Variants in NOC2L observed in about 807,000 individuals in gnomAD.
NOC2L encodes the protein NOC2 like nucleolar associated transcriptional repressor.
Under a neutral mutation model 94.2 loss-of-function variants are expected in NOC2L, and 101 were observed. The observed-to-expected ratio is 1.07, with a 90% confidence interval of 0.91 to 1.26. The LOEUF is 1.26. Ranked by LOEUF, NOC2L falls within the 50% of genes most tolerant of loss-of-function variation. The pLI is 0.00. For synonymous variants in NOC2L, 531 were observed against 413.4 expected (o/e 1.28, Z -3.45); for missense variants, 1,076 against 980.1 (o/e 1.10, Z -1.31).
chr1:945,409 G>A (rs917086388), intron 17 of NOC2L, 109 bp downstream of exon 17: 2 of 1,364,144 alleles, frequency 1.5e-6, no homozygotes, highest in East Asian at 4.7e-5. Context: ...CTGGGCCAGA[G>A]ACTGGTGAGC....
Position 944,541 on chromosome 1 carries a change from G to GTCTT in NOC2L, c.*149_*152dup, listed in dbSNP as rs1318133859. On this transcript the variant is annotated 3_prime_UTR_variant, in exon 19 of 19. Transcript: ENST00000327044. ...CCCAGCCCAGCTCTCGATACGTTTG[G>GTCTT]TCTTTCATGCTGAAAAATAAATAAT... The GTCTT allele has an allele frequency of 1.4e-5, 9 of 626,116 alleles. No individual in the cohort carries two copies. The highest frequency in any genetic ancestry group is 1.1e-4 in the African/African-American group (6 of 53,568). 38.8% of individuals were successfully genotyped at this position (626,116 alleles called of 1,614,324 possible).
rs781360842 is a variant in NOC2L at position 957,102 on chromosome 1, C to T, written c.351G>A (p.Leu117=). ...CTGGTTTGGCCCACGCCCTCACCTC[C>T]AGCACATCTGGCAGGGAGTGGAACG... ...EGPFHSLPDV[L]EEASEEEDGA... is the part of the protein sequence containing the mutation. The change falls in exon 3 of 19, where the codon CTG becomes CTA. Residue 117 remains leucine (L), a synonymous_variant. Coordinates refer to ENST00000327044, the MANE Select transcript of NOC2L (RefSeq NM_015658.4). 26 of 1,613,994 alleles carry T rather than the reference C, an allele frequency of 1.6e-5. No homozygotes were observed. The highest frequency in any genetic ancestry group is 2.2e-5 in the Non-Finnish European group (26 of 1,179,962).
At chr1:944,893 T>TTAA in intron 18 of NOC2L, 93 bp from the exon 19 acceptor site, 1 of 1,349,772 alleles carries the variant, frequency 7.4e-7, no homozygotes. Context: ...ACGGCACTAA[T>TTAA]TAATTTATCC....
chr1:954,918 G>A (rs1384034074), intron 6 of NOC2L, among the ~76,000 whole-genome samples: 1 of 152,114 alleles, frequency 6.6e-6, no homozygotes, highest in Non-Finnish European at 1.5e-5. Flanking sequence ...AAAATCTGCT[G>A]AAGCATGGGA....
chr1:954,264 C>T (rs1010363118), intron 6 of NOC2L, 182 bp from the exon 7 acceptor site: 4 of 567,630 alleles, frequency 7.0e-6, no homozygotes, highest in Non-Finnish European at 1.2e-5. Context: ...TTAGGAGGAC[C>T]CTCTCAAGTG....
intron 12 of NOC2L, among the ~76,000 whole-genome samples, chr1:950,412 C>T (rs576547367): frequency 2.0e-5 from 3 of 152,298 alleles, no homozygotes; most frequent in East Asian, 3.9e-4. Context: ...GGTGCACACA[C>T]GCACAGGTAC....
intron 6 of NOC2L, 61 bp from the exon 7 acceptor site, chr1:954,143 A>G (rs773709910): frequency 4.6e-6 from 7 of 1,536,080 alleles, no homozygotes; most frequent in South Asian, 1.1e-5. Flanking sequence ...GAGGCTGCTC[A>G]GCATGTTGGC....
chr1:952,082 G>A lies in NOC2L; in HGVS notation c.1249C>T (p.Arg417Trp), dbSNP rs1221216699. The A allele has an allele frequency of 3.6e-5, 58 of 1,613,580 alleles. No homozygotes were observed. The highest frequency in any genetic ancestry group is 4.2e-5 in the Non-Finnish European group (49 of 1,179,984). Residue 417 changes from arginine (R) to tryptophan (W), a missense_variant, in exon 11 of 19, where the codon CGG becomes TGG. Arg to Trp is a moderately radical substitution (Grantham distance 101). Around this residue, in one of 3 missense-constraint regions of NOC2L, gnomAD observed 615 missense variants for 577.4 expected, o/e 1.07. Coordinates refer to ENST00000327044, the MANE Select transcript of NOC2L (RefSeq NM_015658.4). ...QYVHCLFLWC[R>W]VLSTAGPSEA... ...CTGGGGCCCGCAGTGCTCAGGACCC[G>A]GCACCACAGGAAGAGGCAGTGCACA...
chr1:948,454 A>T, intron 13 of NOC2L, 36 bp downstream of exon 13: 1 of 1,462,750 alleles, frequency 6.8e-7, no homozygotes, highest in Non-Finnish European at 9.6e-7. Context: ...CCACCCTGGG[A>T]ACTGCCCAGG....
chr1:953,839 G>A lies in NOC2L; in HGVS notation c.831C>T (p.Ile277=), dbSNP rs1477917063. ...TCAGGAAGCAGGGCACCAGCACGCT[G>A]ATGTGCCGCAGCACGGCCGCCAACA... ...TTVLAAVLRH[I]SVLVPCFLTF... Residue 277 remains isoleucine, a synonymous_variant, in exon 8 of 19, where the codon ATC becomes ATT. Coordinates refer to ENST00000327044, the MANE Select transcript of NOC2L (RefSeq NM_015658.4). The A allele has an allele frequency of 1.2e-6, 2 of 1,613,120 alleles. No homozygotes were observed. Among genetic ancestry groups the A allele is most frequent in the East Asian group, 2.2e-5 (1 of 44,878 alleles).
At chr1:951,978 C>G in intron 11 of NOC2L, 22 bp downstream of exon 11, 1 of 1,606,240 alleles carries the variant, frequency 6.2e-7, no homozygotes, top group Non-Finnish European at 8.5e-7. Context: ...TCCCGCACAA[C>G]CCTGCCCACC....
rs1642238341 is a variant in NOC2L, at chr1:950,776, T to C, written c.1443+351A>G. Among the ~76,000 whole-genome samples the C allele has an allele frequency of 7.2e-5, 11 of 152,260 alleles. No homozygotes were observed. The South Asian group carries it at 2.3e-3, about 32-fold the overall frequency. On this transcript the variant is annotated intron_variant, in intron 12 of 18. Transcript: ENST00000327044. ...CATCCCCCATACAAATGCATACACA[T>C]GCACACAACTGTCAGGGCAGGGCAC...
chr1:944,203 T>A lies in NOC2L; in HGVS notation c.*491A>T, dbSNP rs754622280. ...CACACAAATCTCCAGGAGCCACCAC[T>A]CAACACAATGGCCCTGCCTCCCACC... On this transcript the variant is annotated 3_prime_UTR_variant, in exon 19 of 19. Transcript: ENST00000327044. 26 of 1,497,190 alleles carry A rather than the reference T, an allele frequency of 1.7e-5. 1 individual carries two copies. The highest frequency in any genetic ancestry group is 1.1e-4 in the South Asian group (8 of 70,322). The allele number at this position is 1,497,190 out of a possible 1,614,324, so 92.7% of individuals were successfully genotyped here.
intron 12 of NOC2L, among the ~76,000 whole-genome samples, chr1:949,353 C>G (rs1207861489): frequency 6.6e-6 from 1 of 152,216 alleles, no homozygotes. Flanking sequence ...GGCTGCCAGA[C>G]AGCTGAGCTC....
intron 11 of NOC2L, among the ~76,000 whole-genome samples, 199 bp from the exon 12 acceptor site, chr1:951,437 C>T (rs10465241): frequency 0.76 from 116,256 of 152,100 alleles, 47,029 homozygotes; most frequent in Non-Finnish European, 0.9. Context: ...AGCTTTATTT[C>T]AACACGGTGG....
Position 945,099 on chromosome 1 carries a change from C to T in NOC2L, c.2101G>A (p.Glu701Lys), listed in dbSNP as rs778768161. The T allele has an allele frequency of 9.3e-6, 15 of 1,613,750 alleles. No homozygotes were observed. The highest frequency in any genetic ancestry group is 3.3e-4 in the Middle Eastern group (2 of 6,084). ...TCCTCCTCGCCCTCCTCCTCGTCCT[C>T]TTCATCGTCTTCCACCCCATGCCGA... ...STRHGVEDDE[E>K]DEEEGEEDSS... Residue 701 changes from glutamate to lysine, a missense_variant, in exon 18 of 19, where the codon GAG (glutamate) becomes AAG (lysine). Physicochemically the swap from Glu to Lys is moderately conservative, Grantham distance 56. Around this residue, in one of 3 missense-constraint regions of NOC2L, gnomAD observed 615 missense variants for 577.4 expected, o/e 1.07. Coordinates refer to ENST00000327044, the MANE Select transcript of NOC2L (RefSeq NM_015658.4).
Position 945,527 on chromosome 1 carries a change from A to G in NOC2L, c.2044T>C (p.Ser682Pro), listed in dbSNP as rs748882157. 16 of 1,613,794 alleles carry G rather than the reference A, an allele frequency of 9.9e-6. No homozygotes were observed. In the South Asian group the frequency reaches 1.8e-4, roughly 18 times the overall value. Residue 682 changes from serine to proline, a missense_variant, in exon 17 of 19, where the codon TCG becomes CCG. Ser to Pro is a moderately conservative substitution (Grantham distance 74, BLOSUM62 -1). This residue lies in a region of NOC2L where 615 missense variants were observed against 577.4 expected (regional missense o/e 1.07). Coordinates refer to ENST00000327044, the MANE Select transcript of NOC2L (RefSeq NM_015658.4). ...SSEEDDTEGF[S>P]ERGILRPLST... ...ACCACGCAGGCCCCACCTCTCTCCG[A>G]GAATCCCTCGGTGTCGTCCTCTTCA...
intron 11 of NOC2L, among the ~76,000 whole-genome samples, chr1:951,612 T>C (rs551607124): frequency 8.5e-5 from 13 of 152,310 alleles, no homozygotes; most frequent in Non-Finnish European, 1.3e-4. Context: ...CTTTTCCTGC[T>C]GCAGCCCCTA....
chr1:948,356 C>T (rs1301435115), intron 13 of NOC2L, 124 bp from the exon 14 acceptor site: 1 of 1,054,988 alleles, frequency 9.5e-7, no homozygotes. Flanking sequence ...GAAGGGGCTC[C>T]TGGGCCCCAG....
Sources: gnomAD v4.1 joint callset for allele counts (sites outside exome capture counted in the v4.1 genomes callset) on GRCh38, gnomAD v4.1.1 for gene constraint, gnomAD v4.1.1 regional missense constraint, MANE v1.5 for transcripts, NCBI Gene and HGNC (gene_info 2026-07-23, HGNC 2026-07-21) for gene names.